Variants in MEMO1 observed in about 807,000 individuals in gnomAD.
MEMO1 encodes protein MEMO1.
Under a neutral mutation model 45.2 loss-of-function variants are expected in MEMO1, and 6 were observed. That is an observed-to-expected ratio of 0.13 (90% CI 0.07 to 0.26). The LOEUF is 0.26. Among genes scored for constraint, MEMO1 ranks in the 10% least tolerant of loss-of-function variants. MEMO1 has a pLI of 1.00. For synonymous variants in MEMO1, 78 were observed against 124.3 expected (o/e 0.63, Z 2.48); for missense variants, 184 against 370.5 (o/e 0.50, Z 4.13).
At chr2:31,947,399 A>G (rs1316144703) in intron 2 of MEMO1, among the ~76,000 whole-genome samples, 1 of 152,250 alleles carries the variant, frequency 6.6e-6, no homozygotes, top group Non-Finnish European at 1.5e-5. Context: ...AATTATCTAT[A>G]AAGTGTCAAG....
intron 8 of MEMO1, among the ~76,000 whole-genome samples, chr2:31,870,696 C>T (rs1434572205): frequency 1.3e-5 from 2 of 152,116 alleles, no homozygotes; most frequent in East Asian, 1.9e-4. Context: ...CCTGCCTCAG[C>T]CTCCTGAGTA....
intron 2 of MEMO1, among the ~76,000 whole-genome samples, chr2:32,002,655 A>T (rs1572953438): frequency 6.6e-6 from 1 of 152,154 alleles, no homozygotes; most frequent in Non-Finnish European, 1.5e-5. Flanking sequence ...ATAAATGGAG[A>T]TAATACCTAC....
Position 31,986,211 on chromosome 2 carries a change from G to A in MEMO1, c.61+23976C>T, listed in dbSNP as rs547780430. On this transcript the variant is annotated intron_variant, in intron 2 of 9. Transcript: ENST00000404530. ...TGGTCGAGACCATCCTGGCTAACAC[G>A]GTGAAACCCCGTCTCTACTAAAAAT... Among the ~76,000 whole-genome samples, 150 of 152,212 alleles carry A rather than the reference G, an allele frequency of 9.9e-4. 1 individual carries two copies. Among genetic ancestry groups the A allele is most frequent in the African/African-American group, 3.6e-3 (148 of 41,532 alleles).
chr2:32,006,050 A>G (rs1277702469), intron 2 of MEMO1, among the ~76,000 whole-genome samples: 1 of 152,224 alleles, frequency 6.6e-6, no homozygotes, highest in African/African-American at 2.4e-5. Flanking sequence ...GTATTTAAAG[A>G]AACAATGAAC....
Position 31,978,957 on chromosome 2 carries a change from C to T in MEMO1, c.61+31230G>A, listed in dbSNP as rs141453566. 1.8e-3 allele frequency among the ~76,000 whole-genome samples: 278 copies of T among 152,112 alleles called. 2 individuals carry two copies. The highest frequency in any genetic ancestry group is 6.5e-3 in the African/African-American group (270 of 41,466). ...TTTTACCATTCTATGAAATGATTAT[C>T]CATCCCCCCCCAAAAAAAAGTCTTG... is the stretch of plus-strand genomic sequence containing the variant. On this transcript the variant is annotated intron_variant, in intron 2 of 9. Transcript: ENST00000404530.
intron 2 of MEMO1, among the ~76,000 whole-genome samples, chr2:31,980,711 G>C (rs528254671): frequency 2.0e-5 from 3 of 152,018 alleles, no homozygotes; most frequent in Non-Finnish European, 2.9e-5. Flanking sequence ...CACTGAGAAC[G>C]TCACGGCGTT....
chr2:31,912,124 C>T (rs1054223427), intron 6 of MEMO1, among the ~76,000 whole-genome samples: 10 of 152,050 alleles, frequency 6.6e-5, no homozygotes, highest in African/African-American at 1.9e-4. Context: ...CACTTGAGGT[C>T]AGGAGTTCAA....
chr2:31,974,462 T>G (rs1267550177), intron 2 of MEMO1, among the ~76,000 whole-genome samples: 6 of 152,190 alleles, frequency 3.9e-5, no homozygotes, highest in Non-Finnish European at 5.9e-5. Flanking sequence ...TTAAAACATT[T>G]GCGGCCGGGC....
At chr2:31,905,213 A>G (rs1679486543) in intron 6 of MEMO1, among the ~76,000 whole-genome samples, 1 of 152,104 alleles carries the variant, frequency 6.6e-6, no homozygotes, top group African/African-American at 2.4e-5. Flanking sequence ...CAGCCTGGGT[A>G]ACAGAGTGAA....
chr2:31,926,520 G>A (rs922226451), intron 4 of MEMO1, among the ~76,000 whole-genome samples: 1 of 151,960 alleles, frequency 6.6e-6, no homozygotes, highest in African/African-American at 2.4e-5. Context: ...AAGAATTAAT[G>A]ATTTTTTCTG....
chr2:32,000,331 T>C (rs193178425), intron 2 of MEMO1, among the ~76,000 whole-genome samples: 10 of 151,858 alleles, frequency 6.6e-5, no homozygotes, highest in African/African-American at 2.4e-4. Context: ...CTGGGTTCAC[T>C]CCACTCTTCT....
Position 31,967,146 on chromosome 2 carries a change from C to T in MEMO1, c.62-23763G>A, listed in dbSNP as rs369308592. ...TTTATTTTTTTTTTTTTTTTGGAGA[C>T]GGAGTCTCGCTTTGTTGCCCAGGCT... On this transcript the variant is annotated intron_variant, in intron 2 of 9. Coordinates refer to ENST00000404530, the MANE Select transcript of MEMO1 (RefSeq NM_001301833.4). 6.7e-3 allele frequency among the ~76,000 whole-genome samples: 971 copies of T among 145,226 alleles called. 5 individuals are homozygous for T. Among genetic ancestry groups the T allele is most frequent in the Middle Eastern group, 0.021 (6 of 282 alleles).
chr2:31,999,441 T>C (rs749146357), intron 2 of MEMO1, among the ~76,000 whole-genome samples: 5 of 152,010 alleles, frequency 3.3e-5, no homozygotes, highest in African/African-American at 7.2e-5. Context: ...GATAGGAAGA[T>C]TGCTTCAGTC....
intron 2 of MEMO1, among the ~76,000 whole-genome samples, chr2:31,998,985 C>T (rs1022295177): frequency 3.9e-5 from 6 of 152,172 alleles, no homozygotes; most frequent in African/African-American, 1.4e-4. Context: ...CTTAGATCTT[C>T]CCTATCTCAG....
intron 6 of MEMO1, among the ~76,000 whole-genome samples, chr2:31,898,732 G>A (rs879021595): frequency 3.3e-5 from 5 of 152,202 alleles, no homozygotes; most frequent in South Asian, 2.1e-4. Context: ...TTAGGTCTGC[G>A]TGGTCCAGAG....
chr2:31,894,904 C>T (rs1242892227), intron 6 of MEMO1, among the ~76,000 whole-genome samples: 1 of 152,178 alleles, frequency 6.6e-6, no homozygotes, highest in East Asian at 1.9e-4. Flanking sequence ...TACAATCTCC[C>T]AGCAGAGGGT....
At chr2:31,970,415 A>T (rs1488452555) in intron 2 of MEMO1, among the ~76,000 whole-genome samples, 1 of 152,108 alleles carries the variant, frequency 6.6e-6, no homozygotes, top group Non-Finnish European at 1.5e-5. Flanking sequence ...AATTTAGTTG[A>T]TCTCAGCCTC....
chr2:32,000,214 G>A (rs923810410), intron 2 of MEMO1, among the ~76,000 whole-genome samples: 17 of 151,240 alleles, frequency 1.1e-4, no homozygotes, highest in Admixed American at 5.3e-4. Context: ...ACATCTCAGT[G>A]AAGTCTTCCT....
chr2:31,889,884 T>C (rs1470484496), intron 7 of MEMO1, among the ~76,000 whole-genome samples: 4 of 152,140 alleles, frequency 2.6e-5, no homozygotes, highest in African/African-American at 9.7e-5. Context: ...AGTCTCTGGA[T>C]AATTCTTATA....
Sources: gnomAD v4.1 joint callset for allele counts (sites outside exome capture counted in the v4.1 genomes callset) on GRCh38, gnomAD v4.1.1 for gene constraint, MANE v1.5 for transcripts, NCBI Gene and HGNC (gene_info 2026-07-23, HGNC 2026-07-21) for gene names.